The following SIAE variants were observed in gnomAD, a reference collection of about 807,000 sequenced individuals.
SIAE encodes sialic acid acetylesterase, also known as sialate O-acetylesterase.
SIAE carries 39 observed loss-of-function variants against 52.6 expected under a neutral mutation model. That is an observed-to-expected ratio of 0.74 (90% CI 0.57 to 0.97). The LOEUF is 0.97. SIAE is among the 50% of genes least tolerant of loss of function. SIAE has a pLI of 0.00. For missense variants in SIAE, 592 were observed against 662.1 expected, an observed-to-expected ratio of 0.89 and a Z score of 1.16; for synonymous variants, 233 against 241.4, an observed-to-expected ratio of 0.97 and a Z score of 0.32.
chr11:124,655,065 A>C (rs1943075524), intron 3 of SIAE, among the ~76,000 whole-genome samples: 1 of 152,222 alleles, frequency 6.6e-6, no homozygotes, highest in African/African-American at 2.4e-5. Context: ...GAAGTAGCTG[A>C]GGCTAAAGAA....
intron 3 of SIAE, among the ~76,000 whole-genome samples, chr11:124,655,465 G>A (rs977963229): frequency 4.6e-5 from 7 of 152,066 alleles, no homozygotes; most frequent in Admixed American, 1.3e-4. Context: ...GTGAGCCACC[G>A]CACCCAGCCA....
intron 8 of SIAE, 140 bp from the exon 9 acceptor site, chr11:124,638,877 G>C (rs1298753731): frequency 1.4e-6 from 1 of 695,272 alleles, no homozygotes; most frequent in Non-Finnish European, 2.5e-6. Flanking sequence ...TGGCTAGTCA[G>C]CTCAAGGGAA....
In SIAE at chr11:124,639,726, C is replaced by G. The variant is rs146397917; in HGVS notation, c.1108G>C (p.Asp370His). 4.0e-5 allele frequency: 64 copies of G among 1,613,990 alleles called. No homozygotes were observed. The Admixed American group carries it at 6.3e-4, about 16-fold the overall frequency. Residue 370 changes from aspartate to histidine, a missense_variant, in exon 8 of 10, where the codon GAC becomes CAC. Coordinates refer to ENST00000263593, the MANE Select transcript of SIAE (RefSeq NM_170601.5). Reference protein sequence around the residue: ...MAVAMDLCDRDSPFGSIHPRD... With the variant: ...MAVAMDLCDRHSPFGSIHPRD... ...CAATCATACCTGCCAAAAGGCGAGT[C>G]TCTATCACAGAGATCCATAGCTACA...
intron 3 of SIAE, among the ~76,000 whole-genome samples, chr11:124,656,715 G>A (rs1258979713): frequency 6.6e-6 from 1 of 151,234 alleles, no homozygotes; most frequent in Non-Finnish European, 1.5e-5. Context: ...TTTTTTATTT[G>A]TGTATTTCTT....
In SIAE at chr11:124,635,838, AC is replaced by A. The variant is rs1213138746; in HGVS notation, c.*1112del. The A allele has an allele frequency of 6.6e-6, 1 of 152,236 alleles. No homozygotes were observed. Among genetic ancestry groups the A allele is most frequent in the Non-Finnish European group, 1.5e-5 (1 of 68,032 alleles). The allele number at this position is 152,236 out of a possible 1,614,324, so 9.4% of individuals were successfully genotyped here. ...ATTTATTTCCAACTTCTTATAGGTA[AC>A]ATAATTTTCAGACAATGTTAGCTGT... is the stretch of plus-strand genomic sequence containing the variant. On this transcript the variant is annotated 3_prime_UTR_variant, in exon 10 of 10. Transcript: ENST00000263593.
chr11:124,656,755 C>G (rs181587134), intron 3 of SIAE, among the ~76,000 whole-genome samples: 111 of 152,216 alleles, frequency 7.3e-4, no homozygotes, highest in Non-Finnish European at 1.3e-3. Flanking sequence ...CCTGGACTGG[C>G]CCAGCTTCTC....
At chr11:124,661,625 A>G (rs968597502) in intron 2 of SIAE, among the ~76,000 whole-genome samples, 1 of 152,208 alleles carries the variant, frequency 6.6e-6, no homozygotes, top group East Asian at 1.9e-4. Flanking sequence ...GCTTCAGAAA[A>G]ATATCTTCAA....
chr11:124,674,023 C>G (rs1943421455), upstream of SIAE: 4 of 369,724 alleles, frequency 1.1e-5, no homozygotes, highest in South Asian at 6.9e-5. Context: ...CTTATTCTCT[C>G]AGCATCCCAG....
intron 6 of SIAE, among the ~76,000 whole-genome samples, chr11:124,647,815 C>T (rs1591387095): frequency 6.6e-6 from 1 of 152,126 alleles, no homozygotes; most frequent in Non-Finnish European, 1.5e-5. Context: ...CCAGACAATA[C>T]ATCTAGGGAG....
At position 124,648,061 on chromosome 11, in the gene SIAE, C is replaced by T; in HGVS notation, c.832+5G>A. 6.2e-7 allele frequency: 1 copy of T among 1,606,678 alleles called. No individual in the cohort carries two copies. Among genetic ancestry groups the T allele is most frequent in the South Asian group, 1.1e-5 (1 of 90,920 alleles). ...CAATGGAGAAAGAGTACACTGAACA[C>T]TTACCCTGGTACCATACTACCCCTT... is the stretch of plus-strand genomic sequence containing the variant. On this transcript the variant is annotated splice_donor_5th_base_variant and intron_variant, in intron 6 of 9. Transcript: ENST00000263593.
intron 3 of SIAE, chr11:124,659,603 C>T (rs1219083131): frequency 7.8e-6 from 1 of 128,406 alleles, no homozygotes; most frequent in African/African-American, 3.0e-5. Flanking sequence ...CACTGCACTT[C>T]AGCCTGGGTG....
chr11:124,646,392 A>G (rs2134362511), intron 7 of SIAE, among the ~76,000 whole-genome samples: 1 of 152,304 alleles, frequency 6.6e-6, no homozygotes, highest in South Asian at 2.1e-4. Flanking sequence ...GGAAGTAGAG[A>G]GAAAGGGGGC....
rs1198500217 is a variant in SIAE, at chr11:124,645,160, G to C, written c.966+2205C>G. 6.6e-6 allele frequency among the ~76,000 whole-genome samples: 1 copy of C among 152,132 alleles called. No homozygotes were observed. Among genetic ancestry groups the C allele is most frequent in the African/African-American group, 2.4e-5 (1 of 41,412 alleles). Reference sequence around the variant, plus strand: ...CTGAACCATGACGCTGTCATGCTGGGTATTTCCCTTTGAAGGGATATGTTT... The same window carrying C: ...CTGAACCATGACGCTGTCATGCTGGCTATTTCCCTTTGAAGGGATATGTTT... On this transcript the variant is annotated intron_variant, in intron 7 of 9. Coordinates refer to ENST00000263593, the MANE Select transcript of SIAE (RefSeq NM_170601.5). This position sits in a 1 kb window ranked among gnomAD's most constrained non-coding sequence, Gnocchi z 4.7.
At chr11:124,665,722 G>A (rs775573635) in intron 2 of SIAE, among the ~76,000 whole-genome samples, 1 of 152,176 alleles carries the variant, frequency 6.6e-6, no homozygotes, top group Non-Finnish European at 1.5e-5. Context: ...AGGAGGCTGA[G>A]GCAGGAGGAT....
intron 3 of SIAE, among the ~76,000 whole-genome samples, chr11:124,655,529 G>C (rs958081839): frequency 6.6e-6 from 1 of 152,106 alleles, no homozygotes; most frequent in Non-Finnish European, 1.5e-5. Flanking sequence ...CAAAAAGGCC[G>C]TGGGGAGGTA....
At chr11:124,649,867 GGGTCGA>G (rs1942993124) in intron 4 of SIAE, 71 bp from the exon 5 acceptor site, 1 of 1,506,114 alleles carries the variant, frequency 6.6e-7, no homozygotes, top group East Asian at 2.3e-5. Flanking sequence ...GCTGCTAGGT[GGGTCGA>G]GGTGAGAAGG....
chr11:124,661,698 G>A (rs1211926312), intron 2 of SIAE, among the ~76,000 whole-genome samples: 1 of 151,644 alleles, frequency 6.6e-6, no homozygotes, highest in African/African-American at 2.4e-5. Flanking sequence ...AACAAGCATG[G>A]GAAAATAGAA....
At position 124,649,887 on chromosome 11, in the gene SIAE, G is replaced by A. The variant is rs183433048; in HGVS notation, c.545-91C>T. 3.3e-3 allele frequency: 3,909 copies of A among 1,198,582 alleles called. 11 individuals carry two copies. The highest frequency in any genetic ancestry group is 4.1e-3 in the Non-Finnish European group (3,353 of 816,572). 74.2% of individuals were successfully genotyped at this position (1,198,582 alleles called of 1,614,324 possible). A position where few individuals can be genotyped will look rare whatever the true frequency, so the allele number is the denominator to read the frequency against. On this transcript the variant is annotated intron_variant, in intron 4 of 9. Transcript: ENST00000263593. ...TAGGTGGGTCGAGGTGAGAAGGGTG[G>A]GCAGAGGTCATTCTTCTGTTGTTTT... is the stretch of plus-strand genomic sequence containing the variant.
At chr11:124,665,758 G>A (rs1943263929) in intron 2 of SIAE, among the ~76,000 whole-genome samples, 1 of 152,090 alleles carries the variant, frequency 6.6e-6, no homozygotes, top group Non-Finnish European at 1.5e-5. Context: ...GGCAAAGGTT[G>A]CAGTGAACCG....
Sources: allele counts gnomAD v4.1 joint callset (sites outside exome capture counted in the v4.1 genomes callset), GRCh38; gene constraint gnomAD v4.1.1; non-coding constraint Gnocchi (gnomAD v3.1); transcripts MANE v1.5; gene names NCBI Gene and HGNC (gene_info 2026-07-23, HGNC 2026-07-21).